The following KDM2A variants were observed in gnomAD, a reference collection of about 807,000 sequenced individuals.
KDM2A encodes lysine-specific demethylase 2A.
In KDM2A, 3 loss-of-function variants were observed where a neutral mutation model predicts 137.3. That is an observed-to-expected ratio of 0.02 (90% CI 0.01 to 0.06). KDM2A has a LOEUF of 0.06. Among genes scored for constraint, KDM2A ranks in the 10% least tolerant of loss-of-function variants. The pLI is 1.00. For missense variants in KDM2A, 738 were observed against 1,510.6 expected (o/e 0.49, Z 8.48); for synonymous variants, 512 against 541.5 (o/e 0.95, Z 0.76).
chr11:67,128,375 A>G (rs1264395445), intron 2 of KDM2A, among the ~76,000 whole-genome samples: 1 of 151,530 alleles, frequency 6.6e-6, no homozygotes, highest in Non-Finnish European at 1.5e-5. Flanking sequence ...TAGAATATTT[A>G]TTTTAAGCCT....
chr11:67,126,811 G>T (rs769238530), intron 2 of KDM2A, among the ~76,000 whole-genome samples: 2 of 152,030 alleles, frequency 1.3e-5, no homozygotes, highest in African/African-American at 2.4e-5. Flanking sequence ...TGTAGATTTG[G>T]AATATAAGCT....
chr11:67,147,211 C>T (rs1856270976), intron 2 of KDM2A, among the ~76,000 whole-genome samples: 1 of 152,016 alleles, frequency 6.6e-6, no homozygotes, highest in African/African-American at 2.4e-5. Context: ...TTGGCCAGAT[C>T]TTTTGTGCCA....
At chr11:67,138,350 T>C (rs1856016282) in intron 2 of KDM2A, among the ~76,000 whole-genome samples, 1 of 152,240 alleles carries the variant, frequency 6.6e-6, no homozygotes, top group Admixed American at 6.5e-5. Flanking sequence ...AAAAGAACCT[T>C]AGATTGCTAA....
At chr11:67,142,315 G>A (rs980447844) in intron 2 of KDM2A, among the ~76,000 whole-genome samples, 2 of 150,960 alleles carry the variant, frequency 1.3e-5, no homozygotes, top group African/African-American at 4.9e-5. Flanking sequence ...GGGATTACAG[G>A]CATGAGCCAC....
intron 4 of KDM2A, among the ~76,000 whole-genome samples, 196 bp from the exon 5 acceptor site, chr11:67,181,650 C>G (rs1857094191): frequency 6.7e-6 from 1 of 150,266 alleles, no homozygotes; most frequent in African/African-American, 2.4e-5. Flanking sequence ...TTAGGTAGAT[C>G]ATTAACATTT....
rs563786687 is a variant in KDM2A at position 67,235,893 on chromosome 11, C to T, written c.1479+3933C>T. On this transcript the variant is annotated intron_variant, in intron 12 of 20. Transcript: ENST00000529006. ...TTGGCCTCCCAAAGTGCTGGGATTA[C>T]AGGCGTGAGCCACTGCGCCCGGCCA... 5.2e-4 allele frequency among the ~76,000 whole-genome samples: 79 copies of T among 152,264 alleles called. 4 individuals are homozygous for T. The South Asian group carries it at 0.016, about 31-fold the overall frequency.
intron 12 of KDM2A, among the ~76,000 whole-genome samples, chr11:67,234,037 A>G (rs962641328): frequency 2.6e-5 from 4 of 152,350 alleles, no homozygotes; most frequent in Admixed American, 2.0e-4. Context: ...CCAAAACCAC[A>G]GTCAAAATGT....
chr11:67,158,469 A>G (rs926484824), intron 2 of KDM2A, among the ~76,000 whole-genome samples: 11 of 152,282 alleles, frequency 7.2e-5, no homozygotes, highest in East Asian at 1.9e-4. Context: ...TTAGTTTTGT[A>G]AGAAGCTGCC....
intron 10 of KDM2A, among the ~76,000 whole-genome samples, chr11:67,222,609 G>C (rs867635571): frequency 0.05 from 3 of 60 alleles, no homozygotes; most frequent in Admixed American, 0.12. Flanking sequence ...AGACGGGGTG[G>C]TGGCCGGGCA....
At chr11:67,215,221 T>C in intron 6 of KDM2A, 119 bp from the exon 7 acceptor site, 4 of 585,006 alleles carry the variant, frequency 6.8e-6, no homozygotes, top group Non-Finnish European at 8.9e-6. Flanking sequence ...AATTTGCTTA[T>C]AATTAAATTA....
chr11:67,228,126 C>T lies in KDM2A; in HGVS notation c.1047C>T (p.His349=), dbSNP rs774105602. Residue 349 remains histidine (H), a synonymous_variant, in exon 11 of 21, where the codon CAC becomes CAT. Transcript: ENST00000529006. ...TGTACTGCATAACCAACCGTTCCCA[C>T]CTAACTAAGGAATTTCAGAAAGAGT... ...RYVYCITNRS[H]LTKEFQKESL... is the part of the protein sequence containing the mutation. 1.2e-6 allele frequency: 2 copies of T among 1,613,792 alleles called. No individual in the cohort carries two copies. Among genetic ancestry groups the T allele is most frequent in the Non-Finnish European group, 1.7e-6 (2 of 1,179,746 alleles).
At chr11:67,248,247 A>G in intron 15 of KDM2A, 34 bp from the exon 16 acceptor site, 1 of 1,447,654 alleles carries the variant, frequency 6.9e-7, no homozygotes, top group Non-Finnish European at 9.6e-7. Context: ...AGCTTGAGAG[A>G]CAGGCTTTTA....
chr11:67,140,895 T>A (rs909987104), intron 2 of KDM2A, among the ~76,000 whole-genome samples: 1 of 152,190 alleles, frequency 6.6e-6, no homozygotes, highest in Non-Finnish European at 1.5e-5. Context: ...TCATGAGGTA[T>A]CACCATAGAT....
intron 2 of KDM2A, among the ~76,000 whole-genome samples, chr11:67,161,604 T>TA (rs1856640098): frequency 1.3e-5 from 2 of 152,330 alleles, no homozygotes; most frequent in South Asian, 4.1e-4. Flanking sequence ...AAATTTCATT[T>TA]AAAAAATACA....
At chr11:67,142,599 G>C (rs1165212534) in intron 2 of KDM2A, among the ~76,000 whole-genome samples, 1 of 142,346 alleles carries the variant, frequency 7.0e-6, no homozygotes, top group South Asian at 2.3e-4. Flanking sequence ...GGGTTGGGGG[G>C]GCGTCAAGGC....
intron 6 of KDM2A, among the ~76,000 whole-genome samples, chr11:67,214,961 A>G (rs1468353666): frequency 2.0e-5 from 3 of 152,114 alleles, no homozygotes; most frequent in Non-Finnish European, 4.4e-5. Flanking sequence ...ACAATGGTAT[A>G]TATTTTGCTG....
At chr11:67,150,263 A>G (rs1280474051) in intron 2 of KDM2A, among the ~76,000 whole-genome samples, 4 of 152,174 alleles carry the variant, frequency 2.6e-5, no homozygotes, top group East Asian at 1.9e-4. Flanking sequence ...GTTTACCTCA[A>G]ATTTTACAAC....
At chr11:67,193,754 G>T (rs1857412002) in intron 5 of KDM2A, among the ~76,000 whole-genome samples, 1 of 152,182 alleles carries the variant, frequency 6.6e-6, no homozygotes, top group South Asian at 2.1e-4. Flanking sequence ...CCAACTACTT[G>T]GGAGGCTGAG....
chr11:67,168,644 C>T (rs908744995), intron 2 of KDM2A, among the ~76,000 whole-genome samples: 1 of 144,926 alleles, frequency 6.9e-6, no homozygotes, highest in African/African-American at 2.7e-5. Flanking sequence ...CACACACACA[C>T]ACACACACAC....
Sources: gnomAD v4.1 joint callset for allele counts (sites outside exome capture counted in the v4.1 genomes callset) on GRCh38, gnomAD v4.1.1 for gene constraint, MANE v1.5 for transcripts, NCBI Gene and HGNC (gene_info 2026-07-23, HGNC 2026-07-21) for gene names.